ACBD4: variants seen among roughly 807,000 people sequenced by gnomAD.
ACBD4 encodes acyl-CoA binding domain containing 4, also known as acyl-CoA-binding domain-containing protein 4.
In ACBD4, 41 loss-of-function variants were observed where a neutral mutation model predicts 46.0. The observed-to-expected ratio is 0.89, with a 90% CI of 0.69 to 1.16. The LOEUF is 1.16. Among genes scored for constraint, ACBD4 ranks in the 50% most tolerant of loss-of-function variants. The pLI, the probability that ACBD4 is intolerant of heterozygous loss-of-function variation, is 0.00. For synonymous variants in ACBD4, 162 were observed against 155.9 expected (o/e 1.04, Z -0.29); for missense variants, 393 against 399.5 (o/e 0.98, Z 0.14).
Position 45,136,770 on chromosome 17 carries a change from A to G in ACBD4, c.288A>G (p.Ala96=). Residue 96 remains alanine (A), a synonymous_variant, in exon 4 of 10, where the codon GCA becomes GCG. Coordinates refer to ENST00000321854, the MANE Select transcript of ACBD4 (RefSeq NM_001135705.3). ...ACATCACTGAAATGAAACTGGTGGC[A>G]CAGAAGGTAAGGGCTGCAGGTTCTC... ...SAYITEMKLV[A]QKVIDTVPLG... is the part of the protein sequence containing the mutation. The G allele has an allele frequency of 6.2e-7, 1 of 1,613,236 alleles. No individual in the cohort carries two copies. The highest frequency in any genetic ancestry group is 8.5e-7 in the Non-Finnish European group (1 of 1,180,022).
upstream of ACBD4, chr17:45,132,731 T>G (rs2054502597): frequency 1.7e-5 from 3 of 175,114 alleles, no homozygotes; most frequent in African/African-American, 7.1e-5. The surrounding 1 kb of genome is among the most constrained non-coding windows in gnomAD (Gnocchi z 4.6). Flanking sequence ...AGAGCCCCCA[T>G]GCTGCGGGGC....
At position 45,137,049 on chromosome 17, in the gene ACBD4, G is replaced by A; in HGVS notation, c.325G>A (p.Ala109Thr). Residue 109 changes from alanine (A) to threonine (T), a missense_variant, in exon 5 of 10, where the codon GCA (alanine) becomes ACA (threonine). By Grantham distance (58) the Ala-to-Thr change is moderately conservative (BLOSUM62 0). Around this residue, in one of 3 missense-constraint regions of ACBD4, gnomAD observed 308 missense variants for 301.8 expected, o/e 1.02. Transcript: ENST00000321854. ...CGACACAGTGCCCCTGGGTGAGGTG[G>A]CAGAGGACATGTTTGGTTACTTCGA... Reference protein sequence around the residue: ...VIDTVPLGEVAEDMFGYFEPL... With the variant: ...VIDTVPLGEVTEDMFGYFEPL... 1.2e-6 allele frequency: 2 copies of A among 1,614,146 alleles called. No homozygotes were observed. Among genetic ancestry groups the A allele is most frequent in the East Asian group, 2.2e-5 (1 of 44,886 alleles).
intron 9 of ACBD4, among the ~76,000 whole-genome samples, chr17:45,142,389 C>CAAAAAAAAAAAAAAA (rs1161132274): frequency 1.7e-3 from 50 of 28,586 alleles, no homozygotes; most frequent in Non-Finnish European, 2.3e-3. Flanking sequence ...CAAGACTCCT[C>CAAAAAAAAAAAAAAA]AAAAAAAAAA....
chr17:45,133,641 C>T (rs1457882659), upstream of ACBD4, among the ~76,000 whole-genome samples: 2 of 144,518 alleles, frequency 1.4e-5, no homozygotes, highest in African/African-American at 5.1e-5. Context: ...ACGCCATTCT[C>T]CTGCCTCAGC....
In ACBD4 at chr17:45,137,415, C is replaced by G; in HGVS notation, c.463C>G (p.Pro155Ala). Residue 155 changes from proline (P) to alanine (A), a missense_variant, in exon 6 of 10, where the codon CCT becomes GCT. Physicochemically the swap from Pro to Ala is conservative, Grantham distance 27 (BLOSUM62 -1). This residue lies in a region of ACBD4 where 308 missense variants were observed against 301.8 expected (regional missense o/e 1.02). Transcript: ENST00000321854. The part of the protein sequence containing the change: ...VNGDVGAVSE[P>A]PCLPKEPAPP... ...TGGAGATGTTGGGGCTGTTTCAGAG[C>G]CTCCCTGCCTCCCCAAGGAACCGGC... 1 of 1,614,024 alleles carries G rather than the reference C, an allele frequency of 6.2e-7. No individual in the cohort carries two copies. The highest frequency in any genetic ancestry group is 2.2e-5 in the East Asian group (1 of 44,870).
At chr17:45,138,056 C>T in intron 8 of ACBD4, 68 bp downstream of exon 8, 1 of 1,466,884 alleles carries the variant, frequency 6.8e-7, no homozygotes, top group Admixed American at 1.9e-5. Flanking sequence ...CAGGCTTTCT[C>T]TTGGCTGCCT....
chr17:45,136,352 G>T, intron 2 of ACBD4, 120 bp downstream of exon 2: 1 of 1,483,372 alleles, frequency 6.7e-7, no homozygotes, highest in Non-Finnish European at 9.3e-7. Flanking sequence ...GGGCTGTCCT[G>T]GGGGTTCCCT....
upstream of ACBD4, among the ~76,000 whole-genome samples, chr17:45,131,895 G>A (rs1013755668): frequency 6.6e-6 from 1 of 152,104 alleles, no homozygotes; most frequent in Non-Finnish European, 1.5e-5. Flanking sequence ...AGACACCCTG[G>A]CAGAACCTAG....
chr17:45,143,474 G>A lies in ACBD4; in HGVS notation c.821G>A (p.Trp274Ter), dbSNP rs1162210024. ...CAGCCCAGGCCCAGTGCTCGGCCAT[G>A]GCCCCTTGGGCTCCCGGGGCCCGCG... ...RPQPRPSARP[W>*]PLGLPGPALL... The change falls in exon 10 of 10, where the codon TGG (tryptophan) becomes TAG (stop). Residue 274 changes from tryptophan (W) to a stop codon, truncating the protein, a stop_gained. Coordinates refer to ENST00000321854, the MANE Select transcript of ACBD4 (RefSeq NM_001135705.3). LOFTEE classifies it high-confidence loss of function. 2 of 1,612,908 alleles carry A rather than the reference G, an allele frequency of 1.2e-6. No homozygotes were observed. Among genetic ancestry groups the A allele is most frequent in the East Asian group, 2.2e-5 (1 of 44,882 alleles).
intron 6 of ACBD4, 118 bp from the exon 7 acceptor site, chr17:45,137,642 A>ATATCTCTAGTGCCTCG: frequency 7.3e-7 from 1 of 1,364,784 alleles, no homozygotes; most frequent in Non-Finnish European, 1.0e-6. Flanking sequence ...TCAGGTGTTG[A>ATATCTCTAGTGCCTCG]TATCTCTAGT....
At position 45,143,813 on chromosome 17, in the gene ACBD4, A is replaced by T. The variant is rs1199591097; in HGVS notation, c.*242A>T. The T allele has an allele frequency of 4.8e-6, 3 of 626,524 alleles. No individual in the cohort carries two copies. The highest frequency in any genetic ancestry group is 8.1e-6 in the Non-Finnish European group (3 of 370,196). The allele number at this position is 626,524 out of a possible 1,614,324, so 38.8% of individuals were successfully genotyped here. On this transcript the variant is annotated 3_prime_UTR_variant, in exon 10 of 10. Coordinates refer to ENST00000321854, the MANE Select transcript of ACBD4 (RefSeq NM_001135705.3). ...CCCTGGGAGGCTGCAGTTGTGGTAC[A>T]CGTCCCCGGTGCTGGGTTGGCCGTG...
chr17:45,132,500 G>T, upstream of ACBD4: 18 of 844,442 alleles, frequency 2.1e-5, no homozygotes, highest in Non-Finnish European at 2.6e-5. The surrounding 1 kb of genome is among the most constrained non-coding windows in gnomAD (Gnocchi z 4.6). Flanking sequence ...GGCTCTGAGC[G>T]AGGCGGCGAG....
At position 45,138,079 on chromosome 17, in the gene ACBD4, G is replaced by C. The variant is rs1395937566; in HGVS notation, c.649+91G>C. 3.0e-6 allele frequency: 4 copies of C among 1,321,864 alleles called. No homozygotes were observed. In the African/African-American group the frequency reaches 4.4e-5, roughly 14 times the overall value. The allele number at this position is 1,321,864 out of a possible 1,614,324, so 81.9% of individuals were successfully genotyped here. A position where few individuals can be genotyped will look rare whatever the true frequency, so the allele number is the denominator to read the frequency against. Reference sequence around the variant, plus strand: ...CTCTTGGCTGCCTTCCTAGGGCAGAGTTGAAAGTCCATTGCTGGGCACTGA... The same window carrying C: ...CTCTTGGCTGCCTTCCTAGGGCAGACTTGAAAGTCCATTGCTGGGCACTGA... On this transcript the variant is annotated intron_variant, in intron 8 of 9. Coordinates refer to ENST00000321854, the MANE Select transcript of ACBD4 (RefSeq NM_001135705.3).
rs1018923561 is a variant in ACBD4 at position 45,135,756 on chromosome 17, G to T, written c.-235G>T. On this transcript the variant is annotated 5_prime_UTR_variant, in exon 1 of 10. Transcript: ENST00000321854. ...TGGCAGTGGGCGCCGCGGGGCACAC[G>T]CTGGGCCAAGGTGCAGGCGGCCAGG... 1.2e-5 allele frequency: 2 copies of T among 162,660 alleles called. No individual in the cohort carries two copies. Among genetic ancestry groups the T allele is most frequent in the Admixed American group, 6.2e-5 (1 of 16,026 alleles). The allele number at this position is 162,660 out of a possible 1,614,324, so 10.1% of individuals were successfully genotyped here.
At chr17:45,135,111 G>A (rs1330758139), upstream of ACBD4, among the ~76,000 whole-genome samples, 2 of 151,868 alleles carry the variant, frequency 1.3e-5, no homozygotes, top group Non-Finnish European at 2.9e-5. Flanking sequence ...GATTACAGGC[G>A]CGCGCCACCA....
intron 1 of ACBD4, 33 bp from the exon 2 acceptor site, chr17:45,136,075 G>A: frequency 6.6e-7 from 1 of 1,509,850 alleles, no homozygotes; most frequent in Non-Finnish European, 9.1e-7. Context: ...GGGGACCCTG[G>A]AGGCCCCCTC....
At position 45,136,197 on chromosome 17, in the gene ACBD4, C is replaced by A. The variant is rs1237761984; in HGVS notation, c.53C>A (p.Ala18Asp). The A allele has an allele frequency of 1.2e-6, 2 of 1,613,754 alleles. No individual in the cohort carries two copies. The highest frequency in any genetic ancestry group is 8.5e-7 in the Non-Finnish European group (1 of 1,179,852). ...CCCGACTGCCAGAAACAGTTCCAGG[C>A]TGCAGTGAGCGTCATCCAGAACCTG... Reference protein sequence around the residue: ...PEPDCQKQFQAAVSVIQNLPK... With the variant: ...PEPDCQKQFQDAVSVIQNLPK... Residue 18 changes from alanine to aspartate, a missense_variant, in exon 2 of 10, where the codon GCT becomes GAT. Physicochemically the swap from Ala to Asp is moderately radical, Grantham distance 126. Around this residue, in one of 3 missense-constraint regions of ACBD4, gnomAD observed 61 missense variants for 50.3 expected, o/e 1.21. Transcript: ENST00000321854.
chr17:45,134,661 C>T (rs2054680028), upstream of ACBD4, among the ~76,000 whole-genome samples: 1 of 151,940 alleles, frequency 6.6e-6, no homozygotes, highest in Non-Finnish European at 1.5e-5. Context: ...CCTGTAATCC[C>T]AGTTGCTCGG....
chr17:45,142,559 T>C (rs1277371331), intron 9 of ACBD4: 3 of 229,320 alleles, frequency 1.3e-5, no homozygotes, highest in South Asian at 9.1e-5. Flanking sequence ...TAATTCTTTT[T>C]TTTTTTTTTT....
Sources: gnomAD v4.1 joint callset for allele counts (sites outside exome capture counted in the v4.1 genomes callset) on GRCh38, gnomAD v4.1.1 for gene constraint, gnomAD v4.1.1 regional missense constraint, Gnocchi (gnomAD v3.1) non-coding constraint, MANE v1.5 for transcripts, NCBI Gene and HGNC (gene_info 2026-07-23, HGNC 2026-07-21) for gene names.